Variants in DACH2 observed in about 807,000 individuals in gnomAD.
DACH2 encodes dachshund family transcription factor 2, also known as dachshund homolog 2.
Under a neutral mutation model 35.8 loss-of-function variants are expected in DACH2, and 17 were observed. The ratio of observed to expected loss-of-function variants is 0.48; its 90% CI spans 0.33 to 0.71. The LOEUF (loss-of-function observed/expected upper bound fraction) is 0.71, where lower values mean the gene tolerates loss of function less well. Ranked by LOEUF, DACH2 falls within the 30% of genes least tolerant of loss-of-function variation. DACH2 has a pLI of 0.02. For synonymous variants in DACH2, 195 were observed against 177.3 expected (o/e 1.10, Z -0.79); for missense variants, 469 against 472.7 (o/e 0.99, Z 0.07).
intron 7 of DACH2, chrX:86,799,066 C>G (rs138614180): frequency 0.074 from 22,575 of 305,542 alleles, 717 homozygotes; most frequent in East Asian, 0.15. Flanking sequence ...CCAAAGATAT[C>G]TTGGATTATT....
intron 3 of DACH2, among the ~76,000 whole-genome samples, chrX:86,592,439 C>A (rs1468792884): frequency 3.6e-5 from 4 of 111,650 alleles, no homozygotes; most frequent in Non-Finnish European, 5.6e-5. Flanking sequence ...TATAGTAAGT[C>A]TTGGAATAAG....
At chrX:86,399,658 A>G (rs2036381160) in intron 2 of DACH2, among the ~76,000 whole-genome samples, 1 of 111,393 alleles carries the variant, frequency 9.0e-6, no homozygotes, top group South Asian at 3.8e-4. Flanking sequence ...TTGGCTGGAT[A>G]TGAAATTCTG....
chrX:86,332,884 G>T (rs2035237903), intron 1 of DACH2, among the ~76,000 whole-genome samples: 1 of 111,614 alleles, frequency 9.0e-6, no homozygotes, highest in South Asian at 3.7e-4. Flanking sequence ...ATACATTGAG[G>T]ATAATAAAAG....
chrX:86,364,250 G>A (rs1030195335), intron 1 of DACH2, among the ~76,000 whole-genome samples: 5 of 111,549 alleles, frequency 4.5e-5, no homozygotes, highest in East Asian at 5.7e-4. Context: ...TTCATACTAC[G>A]AATGCATCTT....
chrX:86,245,453 G>A (rs1284717423), intron 1 of DACH2, among the ~76,000 whole-genome samples: 1 of 111,856 alleles, frequency 8.9e-6, no homozygotes, highest in Non-Finnish European at 1.9e-5. Flanking sequence ...AGTGTACCAG[G>A]AACACCTTGC....
At chrX:86,277,979 G>A (rs774281583) in intron 1 of DACH2, among the ~76,000 whole-genome samples, 2 of 111,537 alleles carry the variant, frequency 1.8e-5, no homozygotes, top group East Asian at 5.6e-4. Flanking sequence ...TGTGATGTGC[G>A]ACGAAAAGTG....
At chrX:86,413,707 C>A (rs1409411908) in intron 2 of DACH2, among the ~76,000 whole-genome samples, 1 of 110,784 alleles carries the variant, frequency 9.0e-6, no homozygotes. Flanking sequence ...TATTTCCCAC[C>A]ATCATAGACC....
chrX:86,395,977 T>C (rs944226262), intron 2 of DACH2, among the ~76,000 whole-genome samples: 1 of 111,860 alleles, frequency 8.9e-6, no homozygotes, highest in East Asian at 2.8e-4. Context: ...ACTTCCACAA[T>C]GGTTGAACTA....
intron 5 of DACH2, among the ~76,000 whole-genome samples, chrX:86,700,706 G>A (rs2041132303): frequency 9.1e-6 from 1 of 109,801 alleles, no homozygotes; most frequent in Non-Finnish European, 1.9e-5. Flanking sequence ...AATCCTCAGA[G>A]ACTTACTATA....
intron 2 of DACH2, among the ~76,000 whole-genome samples, chrX:86,485,886 A>T (rs1317656766): frequency 8.9e-6 from 1 of 111,821 alleles, no homozygotes; most frequent in Non-Finnish European, 1.9e-5. Flanking sequence ...GTATCATTGT[A>T]GTGGTTAATT....
intron 11 of DACH2, among the ~76,000 whole-genome samples, chrX:86,824,687 A>G (rs2042546375): frequency 8.9e-6 from 1 of 112,127 alleles, no homozygotes; most frequent in African/African-American, 3.2e-5. Context: ...ACTTCCTGCA[A>G]CATTTCACAA....
intron 3 of DACH2, among the ~76,000 whole-genome samples, chrX:86,618,603 T>C (rs1461409256): frequency 8.9e-6 from 1 of 112,375 alleles, no homozygotes; most frequent in Non-Finnish European, 1.9e-5. Flanking sequence ...TGTGAATCTA[T>C]ACATAGATGT....
intron 7 of DACH2, among the ~76,000 whole-genome samples, chrX:86,760,277 A>G (rs1459789128): frequency 1.8e-5 from 2 of 112,022 alleles, no homozygotes; most frequent in Non-Finnish European, 3.8e-5. Context: ...CTATTATTTA[A>G]TAAAATAGGT....
At chrX:86,444,425 A>T (rs2037224379) in intron 2 of DACH2, among the ~76,000 whole-genome samples, 1 of 111,553 alleles carries the variant, frequency 9.0e-6, no homozygotes. Flanking sequence ...ATTCAGCAGT[A>T]AAGTCATGAG....
At chrX:86,751,714 A>C (rs1188111856) in intron 7 of DACH2, among the ~76,000 whole-genome samples, 2 of 111,277 alleles carry the variant, frequency 1.8e-5, no homozygotes, top group Admixed American at 9.6e-5. Context: ...GGCAGGCAGG[A>C]AGGAAGGAAA....
At chrX:86,635,003 C>T (rs1488710389) in intron 3 of DACH2, among the ~76,000 whole-genome samples, 1 of 111,220 alleles carries the variant, frequency 9.0e-6, no homozygotes, top group African/African-American at 3.3e-5. Flanking sequence ...GGGACTCCTC[C>T]CTAACTTATT....
At chrX:86,529,505 G>T (rs1419182054) in intron 3 of DACH2, among the ~76,000 whole-genome samples, 1 of 100,435 alleles carries the variant, frequency 1.0e-5, no homozygotes, top group Non-Finnish European at 2.0e-5. Flanking sequence ...ATGGAGTCTC[G>T]CTCGTCGCCC....
chrX:86,214,788 A>C (rs1456251236), intron 1 of DACH2, among the ~76,000 whole-genome samples: 1 of 111,858 alleles, frequency 8.9e-6, no homozygotes, highest in African/African-American at 3.2e-5. Context: ...GGTGGAACTG[A>C]ATGTTCTTGC....
At chrX:86,393,877 T>C (rs1335805298) in intron 2 of DACH2, among the ~76,000 whole-genome samples, 1 of 110,736 alleles carries the variant, frequency 9.0e-6, no homozygotes. Flanking sequence ...TTAACACATA[T>C]AAAACACTTA....
Sources: allele counts gnomAD v4.1 joint callset (sites outside exome capture counted in the v4.1 genomes callset), GRCh38; gene constraint gnomAD v4.1.1; transcripts MANE v1.5; gene names NCBI Gene and HGNC (gene_info 2026-07-23, HGNC 2026-07-21).